Variants in GLUD1 observed in about 807,000 individuals in gnomAD.
GLUD1 encodes the protein glutamate dehydrogenase 1, also known as glutamate dehydrogenase 1, mitochondrial.
In GLUD1, 22 loss-of-function variants were observed where a neutral mutation model predicts 56.0. That is an observed-to-expected ratio of 0.39 (90% CI 0.28 to 0.56). The LOEUF (loss-of-function observed/expected upper bound fraction) is 0.56, where lower values mean the gene tolerates loss of function less well. Ranked by LOEUF, GLUD1 falls within the 20% of genes least tolerant of loss-of-function variation. The probability of loss-of-function intolerance (pLI) is 0.58; values close to 1 mark genes in which losing one functional copy is unlikely to be tolerated. For missense variants in GLUD1, 451 were observed against 732.0 expected (o/e 0.62, Z 4.43); for synonymous variants, 223 against 269.9 (o/e 0.83, Z 1.70).
chr10:87,083,970 G>A (rs1187092057), intron 1 of GLUD1, among the ~76,000 whole-genome samples: 3 of 152,180 alleles, frequency 2.0e-5, no homozygotes, highest in South Asian at 2.1e-4. Context: ...AGGAGTCCAC[G>A]GCTGGCTAAG....
intron 5 of GLUD1, 79 bp downstream of exon 5, chr10:87,067,984 C>G (rs143640942): frequency 3.6e-6 from 3 of 839,428 alleles, no homozygotes; most frequent in African/African-American, 3.3e-5. Flanking sequence ...GGATTCTCAA[C>G]TTTTGATATA....
At chr10:87,060,521 T>C in intron 8 of GLUD1, 167 bp downstream of exon 8, 1 of 895,404 alleles carries the variant, frequency 1.1e-6, no homozygotes. Context: ...TGCCGGTAGC[T>C]AAAAGCCATT....
At chr10:87,089,974 A>C (rs1211938590) in intron 1 of GLUD1, among the ~76,000 whole-genome samples, 1 of 152,214 alleles carries the variant, frequency 6.6e-6, no homozygotes, top group Non-Finnish European at 1.5e-5. Context: ...TGGGTTGCTG[A>C]GTACAAAATT....
At chr10:87,087,512 CT>C (rs1336358795) in intron 1 of GLUD1, among the ~76,000 whole-genome samples, 1 of 152,188 alleles carries the variant, frequency 6.6e-6, no homozygotes, top group East Asian at 1.9e-4. Flanking sequence ...CACCTTGAAG[CT>C]ACCCAGAAGC....
chr10:87,053,291 A>C (rs1158159945), intron 12 of GLUD1, 51 bp downstream of exon 12: 12 of 1,176,558 alleles, frequency 1.0e-5, no homozygotes, highest in Non-Finnish European at 1.5e-5. Flanking sequence ...AGCATGGTTG[A>C]GTTGCACTTC....
At chr10:87,054,302 T>C (rs555236028) in intron 11 of GLUD1, among the ~76,000 whole-genome samples, 1 of 152,230 alleles carries the variant, frequency 6.6e-6, no homozygotes, top group Admixed American at 6.5e-5. Context: ...ACCACAAGGC[T>C]AAGTGGATCA....
intron 6 of GLUD1, among the ~76,000 whole-genome samples, chr10:87,062,078 G>A (rs956156533): frequency 2.6e-5 from 4 of 151,920 alleles, no homozygotes; most frequent in Admixed American, 2.0e-4. Context: ...CACCACGCCC[G>A]GCTTAATTTT....
intron 4 of GLUD1, among the ~76,000 whole-genome samples, chr10:87,071,954 G>A (rs1465358365): frequency 6.6e-6 from 1 of 152,210 alleles, no homozygotes; most frequent in Non-Finnish European, 1.5e-5. Context: ...CTCATATTCA[G>A]CATTGGAAGG....
intron 11 of GLUD1, among the ~76,000 whole-genome samples, chr10:87,055,887 G>A (rs1486435200): frequency 4.0e-5 from 6 of 151,782 alleles, no homozygotes; most frequent in East Asian, 1.9e-4. Flanking sequence ...AGGCCGAGGC[G>A]GGTGGATCAC....
intron 1 of GLUD1, among the ~76,000 whole-genome samples, chr10:87,090,105 G>A (rs971257203): frequency 6.6e-6 from 1 of 152,174 alleles, no homozygotes; most frequent in African/African-American, 2.4e-5. Flanking sequence ...CAGTCACGTG[G>A]CAGAGACTAG....
intron 5 of GLUD1, among the ~76,000 whole-genome samples, chr10:87,063,980 G>T (rs1410897241): frequency 6.6e-6 from 1 of 151,946 alleles, no homozygotes; most frequent in Non-Finnish European, 1.5e-5. Flanking sequence ...CCGGGTTCAC[G>T]CCATTCTCCT....
chr10:87,057,076 C>T (rs897063324), intron 11 of GLUD1, among the ~76,000 whole-genome samples: 1 of 152,004 alleles, frequency 6.6e-6, no homozygotes, highest in Non-Finnish European at 1.5e-5. Context: ...CTGCAACCTC[C>T]ACCTCCCGGG....
At chr10:87,060,318 T>C (rs781032889) in intron 8 of GLUD1, 77 bp from the exon 9 acceptor site, 14 of 945,894 alleles carry the variant, frequency 1.5e-5, no homozygotes, top group Non-Finnish European at 2.5e-5. Context: ...GAGATGTGCA[T>C]ATATGAACAA....
intron 1 of GLUD1, among the ~76,000 whole-genome samples, chr10:87,084,062 C>A (rs556736810): frequency 1.7e-4 from 25 of 151,480 alleles, no homozygotes; most frequent in African/African-American, 6.1e-4. Context: ...ATCAAGGCCA[C>A]CCTGCTGACA....
intron 4 of GLUD1, among the ~76,000 whole-genome samples, chr10:87,072,603 C>A (rs1349884929): frequency 2.6e-5 from 4 of 152,212 alleles, no homozygotes; most frequent in Non-Finnish European, 5.9e-5. Context: ...GGCTTTTGCA[C>A]ATTAAGCAAA....
intron 11 of GLUD1, among the ~76,000 whole-genome samples, chr10:87,055,807 G>A (rs985423319): frequency 2.0e-5 from 3 of 152,100 alleles, no homozygotes; most frequent in African/African-American, 7.2e-5. Context: ...TTCCATCACT[G>A]AATATTTCAT....
chr10:87,078,215 G>A (rs1253486489), intron 1 of GLUD1, among the ~76,000 whole-genome samples: 2 of 152,140 alleles, frequency 1.3e-5, no homozygotes, highest in African/African-American at 4.8e-5. Flanking sequence ...TTCTCAAATT[G>A]TGAAATAAAT....
chr10:87,083,915 C>G (rs1213560988), intron 1 of GLUD1, among the ~76,000 whole-genome samples: 2 of 152,156 alleles, frequency 1.3e-5, no homozygotes, highest in Admixed American at 1.3e-4. Context: ...GGTCTTTGGT[C>G]AACTGTGCTA....
chr10:87,094,079 A>C lies in GLUD1; in HGVS notation c.445+246T>G, dbSNP rs960610641. On this transcript the variant is annotated intron_variant, in intron 1 of 12. Transcript: ENST00000277865. This position sits in a 1 kb window ranked among gnomAD's most constrained non-coding sequence, Gnocchi z 6.6. ...CAGCGTCTACTCTGCATGCAAGATC[A>C]GCATATACAGAGGCCCGGGGTGACG... 1 of 1,513,906 alleles carries C rather than the reference A, an allele frequency of 6.6e-7. No individual in the cohort carries two copies. The highest frequency in any genetic ancestry group is 1.4e-5 in the African/African-American group (1 of 72,262). 93.8% of individuals were successfully genotyped at this position (1,513,906 alleles called of 1,614,324 possible).
Sources: gnomAD v4.1 joint callset for allele counts (sites outside exome capture counted in the v4.1 genomes callset) on GRCh38, gnomAD v4.1.1 for gene constraint, Gnocchi (gnomAD v3.1) non-coding constraint, MANE v1.5 for transcripts, NCBI Gene and HGNC (gene_info 2026-07-23, HGNC 2026-07-21) for gene names.